LDLRAD3: variants seen among roughly 807,000 people sequenced by gnomAD.
The protein encoded by LDLRAD3 is low density lipoprotein receptor class A domain containing 3.
In LDLRAD3, 20 loss-of-function variants were observed where a neutral mutation model predicts 29.4. The ratio of observed to expected loss-of-function variants is 0.68; its 90% CI spans 0.48 to 0.99. The LOEUF is 0.99. Among genes scored for constraint, LDLRAD3 ranks in the 50% least tolerant of loss-of-function variants. The pLI, the probability that LDLRAD3 is intolerant of heterozygous loss-of-function variation, is 0.00. For synonymous variants in LDLRAD3, 157 were observed against 192.7 expected, an observed-to-expected ratio of 0.81 and a Z score of 1.53; for missense variants, 420 against 454.3, an observed-to-expected ratio of 0.92 and a Z score of 0.69.
At chr11:36,018,619 AT>A (rs1329611340) in intron 1 of LDLRAD3, among the ~76,000 whole-genome samples, 4 of 152,150 alleles carry the variant, frequency 2.6e-5, no homozygotes, top group Admixed American at 6.5e-5. Flanking sequence ...TAGAAATACA[AT>A]CAGTGGGTCC....
At chr11:36,114,842 T>C (rs146604906) in intron 4 of LDLRAD3, among the ~76,000 whole-genome samples, 1 of 152,284 alleles carries the variant, frequency 6.6e-6, no homozygotes, top group East Asian at 1.9e-4. Context: ...TTTCTTCCAC[T>C]CTCAGTGCAG....
intron 4 of LDLRAD3, chr11:36,196,226 C>G (rs938438492): frequency 3.3e-5 from 5 of 152,140 alleles, no homozygotes; most frequent in Admixed American, 2.0e-4. Context: ...AAAATGTGTT[C>G]TTTTCTTACT....
intron 4 of LDLRAD3, among the ~76,000 whole-genome samples, chr11:36,204,193 G>A (rs1855170357): frequency 6.6e-6 from 1 of 152,190 alleles, no homozygotes; most frequent in Non-Finnish European, 1.5e-5. Context: ...GTGCATGTCA[G>A]AGGAAAATCG....
chr11:36,054,840 AATGGATGG>A (rs201580069), intron 2 of LDLRAD3, among the ~76,000 whole-genome samples: 1 of 133,830 alleles, frequency 7.5e-6, no homozygotes, highest in South Asian at 2.5e-4. Context: ...TGGATGGATG[AATGGATGG>A]ATGGATGGAT....
chr11:35,968,819 A>T (rs775144725), intron 1 of LDLRAD3: 1 of 152,624 alleles, frequency 6.6e-6, no homozygotes, highest in Non-Finnish European at 1.5e-5. Flanking sequence ...AGAGGAGAAA[A>T]TTATTTAACC....
chr11:36,150,282 C>T (rs1476219812), intron 4 of LDLRAD3, among the ~76,000 whole-genome samples: 1 of 152,156 alleles, frequency 6.6e-6, no homozygotes, highest in South Asian at 2.1e-4. Flanking sequence ...AATCTCAACA[C>T]TTTGGGAGGC....
At chr11:36,098,255 T>C in intron 3 of LDLRAD3, 72 bp from the exon 4 acceptor site, 22 of 1,575,430 alleles carry the variant, frequency 1.4e-5, no homozygotes, top group Non-Finnish European at 1.8e-5. Flanking sequence ...CACGCCAGGC[T>C]GGAAGAAGTT....
At chr11:36,172,775 G>A (rs761199385) in intron 4 of LDLRAD3, among the ~76,000 whole-genome samples, 7 of 152,070 alleles carry the variant, frequency 4.6e-5, no homozygotes, top group Non-Finnish European at 1.0e-4. Context: ...CAGGGATATT[G>A]GTCTGTAATT....
At chr11:36,161,640 G>A (rs1289330975) in intron 4 of LDLRAD3, among the ~76,000 whole-genome samples, 2 of 152,120 alleles carry the variant, frequency 1.3e-5, no homozygotes, top group Admixed American at 1.3e-4. Context: ...CTCCACTTCA[G>A]TCCCGGCAAA....
At chr11:35,969,505 G>T (rs891653021) in intron 1 of LDLRAD3, among the ~76,000 whole-genome samples, 2 of 152,190 alleles carry the variant, frequency 1.3e-5, no homozygotes, top group Admixed American at 1.3e-4. Flanking sequence ...TAGGCGTTTT[G>T]GTTTCCACCG....
intron 4 of LDLRAD3, among the ~76,000 whole-genome samples, chr11:36,112,694 G>A (rs10836494): frequency 0.035 from 5,261 of 152,278 alleles, 353 homozygotes; most frequent in East Asian, 0.32. Flanking sequence ...AAATCATTCC[G>A]TAGGATAGGA....
chr11:36,091,219 G>A (rs1163034564), intron 3 of LDLRAD3, among the ~76,000 whole-genome samples: 1 of 152,162 alleles, frequency 6.6e-6, no homozygotes, highest in Non-Finnish European at 1.5e-5. Context: ...TGGGAATTGT[G>A]GGGGCTAATG....
intron 1 of LDLRAD3, among the ~76,000 whole-genome samples, chr11:35,969,951 CT>C (rs1315592051): frequency 1.3e-5 from 2 of 152,106 alleles, no homozygotes; most frequent in Non-Finnish European, 2.9e-5. Context: ...GGCTTATTTG[CT>C]TTTGGTTTCT....
intron 1 of LDLRAD3, among the ~76,000 whole-genome samples, chr11:36,007,716 C>T (rs1036025603): frequency 1.4e-4 from 22 of 152,144 alleles, no homozygotes; most frequent in Admixed American, 1.4e-3. Context: ...GGGGGAGACT[C>T]GTGTTAGTTT....
At chr11:36,154,558 TTGTTGTTGTCTAACC>T (rs1854320859) in intron 4 of LDLRAD3, among the ~76,000 whole-genome samples, 1 of 152,206 alleles carries the variant, frequency 6.6e-6, no homozygotes, top group Admixed American at 6.5e-5. Flanking sequence ...AAGAAATTGT[TTGTTGTTGTCTAACC>T]TGTGTTTCCT....
chr11:36,035,190 T>C (rs61879155), intron 1 of LDLRAD3, among the ~76,000 whole-genome samples: 2,725 of 135,124 alleles, frequency 0.02, 75 homozygotes, highest in African/African-American at 0.07. Flanking sequence ...TTTTTTTTTT[T>C]CCTGCTTTTC....
intron 1 of LDLRAD3, among the ~76,000 whole-genome samples, chr11:35,960,711 C>T (rs1165372347): frequency 6.6e-6 from 1 of 152,200 alleles, no homozygotes; most frequent in Non-Finnish European, 1.5e-5. Flanking sequence ...AGTTCTCTGC[C>T]TCAGCCACCT....
chr11:36,133,319 A>G (rs943003298), intron 4 of LDLRAD3, among the ~76,000 whole-genome samples: 3 of 150,388 alleles, frequency 2.0e-5, no homozygotes, highest in African/African-American at 7.3e-5. Context: ...TACAGGTGTC[A>G]GCCATCATGC....
chr11:36,218,180 G>C (rs539148107), intron 4 of LDLRAD3, among the ~76,000 whole-genome samples: 6 of 152,280 alleles, frequency 3.9e-5, no homozygotes, highest in African/African-American at 1.4e-4. Flanking sequence ...AATATGCATG[G>C]TGGTGATGGT....
Sources: allele counts gnomAD v4.1 joint callset (sites outside exome capture counted in the v4.1 genomes callset), GRCh38; gene constraint gnomAD v4.1.1; transcripts MANE v1.5; gene names NCBI Gene and HGNC (gene_info 2026-07-23, HGNC 2026-07-21).